RBBP8: variants seen among roughly 807,000 people sequenced by gnomAD.
RBBP8 encodes RB binding protein 8, endonuclease.
Under a neutral mutation model 108.3 loss-of-function variants are expected in RBBP8, and 88 were observed. The ratio of observed to expected loss-of-function variants is 0.81; its 90% CI spans 0.68 to 0.97. RBBP8 has a LOEUF of 0.97. Ranked by LOEUF, RBBP8 falls within the 50% of genes least tolerant of loss-of-function variation. The pLI is 0.00. For missense variants in RBBP8, 1,023 were observed against 1,049.0 expected (o/e 0.98, Z 0.34); for synonymous variants, 332 against 348.2 (o/e 0.95, Z 0.52).
At chr18:23,024,276 T>G (rs2046420314) in intron 18 of RBBP8, among the ~76,000 whole-genome samples, 1 of 152,122 alleles carries the variant, frequency 6.6e-6, no homozygotes. Flanking sequence ...CAAAACTCAT[T>G]TGTTATTAAA....
At chr18:22,965,979 C>A (rs1029326349) in intron 4 of RBBP8, among the ~76,000 whole-genome samples, 2 of 152,100 alleles carry the variant, frequency 1.3e-5, no homozygotes, top group African/African-American at 4.8e-5. Flanking sequence ...ATTGAAATAG[C>A]CACATGTGTC....
At chr18:22,974,207 A>G (rs1457558978) in intron 5 of RBBP8, among the ~76,000 whole-genome samples, 1 of 152,210 alleles carries the variant, frequency 6.6e-6, no homozygotes, top group Non-Finnish European at 1.5e-5. Context: ...ACATCATACT[A>G]AGCATTGATG....
At chr18:22,918,717 C>A in intron 3 of RBBP8, among the ~76,000 whole-genome samples, 1 of 152,208 alleles carries the variant, frequency 6.6e-6, no homozygotes, top group South Asian at 2.1e-4. Context: ...CACTCTGTCA[C>A]CCAGGTTTAG....
intron 5 of RBBP8, among the ~76,000 whole-genome samples, chr18:22,971,641 C>CTTTTTTT (rs919907678): frequency 9.2e-6 from 1 of 109,278 alleles, no homozygotes; most frequent in Non-Finnish European, 1.8e-5. Flanking sequence ...TGTTTAATTT[C>CTTTTTTT]TTTTTTTTTT....
intron 2 of RBBP8, among the ~76,000 whole-genome samples, chr18:22,938,195 A>G (rs1910744658): frequency 6.6e-6 from 1 of 151,994 alleles, no homozygotes; most frequent in Admixed American, 6.6e-5. Context: ...GCAGTGGTGC[A>G]AACATGGCTC....
At chr18:22,931,908 A>G (rs1301249113), upstream of RBBP8, among the ~76,000 whole-genome samples, 2 of 152,202 alleles carry the variant, frequency 1.3e-5, no homozygotes, top group Non-Finnish European at 2.9e-5. Context: ...AACACCAGTG[A>G]AAACAAAGAT....
intron 2 of RBBP8, among the ~76,000 whole-genome samples, chr18:22,938,098 A>G (rs544005489): frequency 6.6e-6 from 1 of 151,596 alleles, no homozygotes; most frequent in South Asian, 2.1e-4. Context: ...AAGTGCTAGG[A>G]TTACAGGTGT....
At chr18:23,021,116 C>A (rs1368377076) in intron 17 of RBBP8, among the ~76,000 whole-genome samples, 1 of 152,120 alleles carries the variant, frequency 6.6e-6, no homozygotes, top group Non-Finnish European at 1.5e-5. Flanking sequence ...AAGGAATCGG[C>A]TGGATTAAAT....
intron 4 of RBBP8, 52 bp downstream of exon 4, chr18:22,949,765 A>C (rs1161285612): frequency 7.7e-7 from 1 of 1,304,718 alleles, no homozygotes; most frequent in East Asian, 2.3e-5. Flanking sequence ...CCATAATAAG[A>C]AGTACATTGA....
intron 16 of RBBP8, 71 bp from the exon 17 acceptor site, chr18:23,016,757 G>T: frequency 8.8e-7 from 1 of 1,139,068 alleles, no homozygotes; most frequent in South Asian, 1.3e-5. Context: ...AAATAAAAAT[G>T]AATGAATGTT....
At chr18:23,024,040 ATTTTTT>A (rs35157427) in intron 18 of RBBP8, among the ~76,000 whole-genome samples, 2 of 102,930 alleles carry the variant, frequency 1.9e-5, no homozygotes, top group Non-Finnish European at 3.7e-5. Flanking sequence ...TACCCAGCCT[ATTTTTT>A]TTTTTTTTTT....
At chr18:22,985,043 G>T in intron 8 of RBBP8, 53 bp downstream of exon 8, 3 of 1,604,180 alleles carry the variant, frequency 1.9e-6, no homozygotes, top group South Asian at 1.1e-5. Context: ...GTTATTGGTG[G>T]GTAACAGTGA....
intron 16 of RBBP8, among the ~76,000 whole-genome samples, chr18:23,011,776 C>G (rs1338887671): frequency 6.6e-6 from 1 of 152,032 alleles, no homozygotes; most frequent in Non-Finnish European, 1.5e-5. Context: ...TCATCATGAA[C>G]GATGCCCGTG....
At chr18:22,990,481 C>T (rs2144690260) in intron 9 of RBBP8, among the ~76,000 whole-genome samples, 1 of 152,258 alleles carries the variant, frequency 6.6e-6, no homozygotes, top group Non-Finnish European at 1.5e-5. Flanking sequence ...TTGTGTAAAA[C>T]ATTGAGGCTT....
rs1253197322 is a variant in RBBP8, at chr18:22,933,345, C to T, written c.-318C>T. On this transcript the variant is annotated 5_prime_UTR_variant, in exon 1 of 19. Coordinates refer to ENST00000327155, the MANE Select transcript of RBBP8 (RefSeq NM_002894.3). ...GAACTCCCGCGTGACGTCGCGCGGGCTCCCGGGCGGGGCGGGTCCGGCCGC... is the reference window on the plus strand; with the variant it reads ...GAACTCCCGCGTGACGTCGCGCGGGTTCCCGGGCGGGGCGGGTCCGGCCGC... The T allele has an allele frequency of 6.6e-6, 1 of 152,600 alleles. No individual in the cohort carries two copies. Among genetic ancestry groups the T allele is most frequent in the African/African-American group, 2.4e-5 (1 of 41,470 alleles). The allele number at this position is 152,600 out of a possible 1,614,324, so 9.5% of individuals were successfully genotyped here.
chr18:22,957,291 C>CTTTTTTTTTTT (rs11418623), intron 4 of RBBP8, among the ~76,000 whole-genome samples: 12 of 92,834 alleles, frequency 1.3e-4, no homozygotes, highest in South Asian at 3.8e-4. Context: ...ATTACTTTTT[C>CTTTTTTTTTTT]TTTTTTTTTT....
chr18:22,941,451 C>T (rs1247924013), intron 2 of RBBP8, among the ~76,000 whole-genome samples: 2 of 152,084 alleles, frequency 1.3e-5, no homozygotes, highest in Non-Finnish European at 2.9e-5. Context: ...GGATTACAGG[C>T]AGGAGCCACT....
At chr18:23,019,612 G>A (rs554429514) in intron 17 of RBBP8, among the ~76,000 whole-genome samples, 1 of 152,172 alleles carries the variant, frequency 6.6e-6, no homozygotes, top group South Asian at 2.1e-4. Flanking sequence ...TATGTCCTGA[G>A]ATCTTATAGT....
intron 15 of RBBP8, among the ~76,000 whole-genome samples, chr18:23,002,189 C>G (rs1417218381): frequency 6.6e-6 from 1 of 152,126 alleles, no homozygotes; most frequent in Non-Finnish European, 1.5e-5. Flanking sequence ...CCAAGGCAGA[C>G]AGATTGCTTG....
Sources: allele counts gnomAD v4.1 joint callset (sites outside exome capture counted in the v4.1 genomes callset), GRCh38; gene constraint gnomAD v4.1.1; transcripts MANE v1.5; gene names NCBI Gene and HGNC (gene_info 2026-07-23, HGNC 2026-07-21).